Variants in SLC8A3 observed in about 807,000 individuals in gnomAD.
SLC8A3 encodes sodium/calcium exchanger 3.
SLC8A3 carries 37 observed loss-of-function variants against 65.4 expected under a neutral mutation model. The ratio of observed to expected loss-of-function variants is 0.57; its 90% CI spans 0.44 to 0.74. The LOEUF (loss-of-function observed/expected upper bound fraction) is 0.74, where lower values mean the gene tolerates loss of function less well. Ranked by LOEUF, SLC8A3 falls within the 30% of genes least tolerant of loss-of-function variation. The pLI, the probability that SLC8A3 is intolerant of heterozygous loss-of-function variation, is 0.00. For synonymous variants in SLC8A3, 461 were observed against 444.5 expected, an observed-to-expected ratio of 1.04 and a Z score of -0.47; for missense variants, 1,112 against 1,172.1, an observed-to-expected ratio of 0.95 and a Z score of 0.75.
chr14:70,185,222 C>T (rs1164627312), intron 1 of SLC8A3, among the ~76,000 whole-genome samples: 1 of 152,228 alleles, frequency 6.6e-6, no homozygotes, highest in Non-Finnish European at 1.5e-5. Context: ...CTGCCTCGGC[C>T]TCCCAAAGTG....
intron 1 of SLC8A3, among the ~76,000 whole-genome samples, chr14:70,174,118 C>A (rs764763015): frequency 2.0e-4 from 30 of 152,214 alleles, no homozygotes; most frequent in Non-Finnish European, 3.4e-4. Context: ...TGGCAGTCCA[C>A]CTCCAGGACA....
At chr14:70,106,064 AAAT>A (rs1363450969) in intron 2 of SLC8A3, among the ~76,000 whole-genome samples, 6 of 152,178 alleles carry the variant, frequency 3.9e-5, no homozygotes, top group Non-Finnish European at 8.8e-5. Flanking sequence ...AATTATTATG[AAAT>A]AATAAACTGA....
At chr14:70,150,846 G>A (rs778904140) in intron 2 of SLC8A3, among the ~76,000 whole-genome samples, 2 of 152,208 alleles carry the variant, frequency 1.3e-5, no homozygotes, top group Non-Finnish European at 2.9e-5. Flanking sequence ...TAACTATACA[G>A]TGGGTCCTTG....
intron 6 of SLC8A3, 97 bp downstream of exon 6, chr14:70,048,670 A>G: frequency 1.8e-6 from 2 of 1,081,504 alleles, no homozygotes; most frequent in Non-Finnish European, 2.8e-6. Context: ...TGTTAAGTTC[A>G]GATCTGAGAT....
intron 2 of SLC8A3, among the ~76,000 whole-genome samples, chr14:70,105,184 C>A (rs1892781346): frequency 6.6e-6 from 1 of 152,044 alleles, no homozygotes; most frequent in Non-Finnish European, 1.5e-5. Flanking sequence ...AAAAAATTAG[C>A]CGGGCATGGT....
intron 2 of SLC8A3, among the ~76,000 whole-genome samples, chr14:70,120,114 T>C (rs1257700656): frequency 6.6e-6 from 1 of 152,204 alleles, no homozygotes; most frequent in Non-Finnish European, 1.5e-5. Context: ...GCCAATACGA[T>C]GGAAGCTGCC....
intron 2 of SLC8A3, among the ~76,000 whole-genome samples, chr14:70,099,212 C>A: frequency 6.6e-6 from 1 of 152,158 alleles, no homozygotes; most frequent in Non-Finnish European, 1.5e-5. Context: ...CTATGATTCA[C>A]AGACTAAATC....
chr14:70,100,242 G>A (rs1183226750), intron 2 of SLC8A3, among the ~76,000 whole-genome samples: 1 of 152,192 alleles, frequency 6.6e-6, no homozygotes, highest in African/African-American at 2.4e-5. Flanking sequence ...GTTAAACCTG[G>A]ATCAGCCACT....
intron 2 of SLC8A3, among the ~76,000 whole-genome samples, chr14:70,141,815 T>C (rs1327544319): frequency 6.6e-6 from 1 of 152,218 alleles, no homozygotes; most frequent in Admixed American, 6.5e-5. Context: ...TCCTTTCACA[T>C]CCCCAGGGAA....
Position 70,046,257 on chromosome 14 carries a change from G to C in SLC8A3, c.2456C>G (p.Thr819Arg). ...GAAGACATTGACGGCGTTGCTGCCC[G>C]TCACGTTGCCAATGGAGGCGTCTGC... ...VYADASIGNV[T>R]GSNAVNVFLG... The change falls in exon 7 of 7, where the codon ACG becomes AGG. Residue 819 changes from threonine to arginine, a missense_variant. By Grantham distance (71) the Thr-to-Arg change is moderately conservative. Transcript: ENST00000356921. The surrounding 1 kb of genome is among the most constrained non-coding windows in gnomAD (Gnocchi z 4.2). 5.6e-6 allele frequency: 9 copies of C among 1,614,152 alleles called. No individual in the cohort carries two copies. The highest frequency in any genetic ancestry group is 7.6e-6 in the Non-Finnish European group (9 of 1,179,980).
intron 2 of SLC8A3, among the ~76,000 whole-genome samples, chr14:70,071,495 T>C (rs1890010480): frequency 6.6e-6 from 1 of 152,208 alleles, no homozygotes; most frequent in South Asian, 2.1e-4. Context: ...ATAGGCAGCC[T>C]GTAGGTGCAA....
intron 1 of SLC8A3, among the ~76,000 whole-genome samples, chr14:70,183,156 G>A (rs997504414): frequency 2.6e-5 from 4 of 152,134 alleles, no homozygotes; most frequent in Non-Finnish European, 5.9e-5. Flanking sequence ...ACATGACCCA[G>A]CATTCCTGCA....
intron 2 of SLC8A3, among the ~76,000 whole-genome samples, chr14:70,140,104 T>C (rs1194830522): frequency 6.6e-6 from 1 of 152,226 alleles, no homozygotes; most frequent in Non-Finnish European, 1.5e-5. Context: ...TGCTTTAAAA[T>C]GGAAGGGCAG....
At chr14:70,134,368 T>C (rs1385446091) in intron 2 of SLC8A3, among the ~76,000 whole-genome samples, 1 of 152,190 alleles carries the variant, frequency 6.6e-6, no homozygotes, top group East Asian at 1.9e-4. Flanking sequence ...GAGGGGGATT[T>C]CCAATTTTTA....
chr14:70,107,845 A>G (rs1362523171), intron 2 of SLC8A3, among the ~76,000 whole-genome samples: 1 of 152,104 alleles, frequency 6.6e-6, no homozygotes. Flanking sequence ...TGCTGCCCAG[A>G]TAATTTCCCT....
intron 2 of SLC8A3, among the ~76,000 whole-genome samples, chr14:70,142,488 G>C (rs764460247): frequency 2.2e-4 from 34 of 152,194 alleles, no homozygotes; most frequent in Non-Finnish European, 2.6e-4. Flanking sequence ...TTGCTAGAAG[G>C]AGTGTAAGAC....
intron 2 of SLC8A3, among the ~76,000 whole-genome samples, chr14:70,103,704 A>C (rs1037586125): frequency 2.0e-5 from 3 of 151,946 alleles, no homozygotes; most frequent in Non-Finnish European, 4.4e-5. Context: ...AAAAAAAAAT[A>C]ACTGAAAAGA....
At chr14:70,075,500 C>T (rs1890422573) in intron 2 of SLC8A3, among the ~76,000 whole-genome samples, 1 of 152,152 alleles carries the variant, frequency 6.6e-6, no homozygotes, top group African/African-American at 2.4e-5. Context: ...TTTCTCTGGC[C>T]TTCACTTTTG....
At chr14:70,172,162 G>A (rs1355227668) in intron 1 of SLC8A3, among the ~76,000 whole-genome samples, 1 of 151,654 alleles carries the variant, frequency 6.6e-6, no homozygotes, top group East Asian at 1.9e-4. Context: ...CCCCCACCCA[G>A]GACCACCCCA....
Sources: gnomAD v4.1 joint callset for allele counts (sites outside exome capture counted in the v4.1 genomes callset) on GRCh38, gnomAD v4.1.1 for gene constraint, Gnocchi (gnomAD v3.1) non-coding constraint, MANE v1.5 for transcripts, NCBI Gene and HGNC (gene_info 2026-07-23, HGNC 2026-07-21) for gene names.